The following PTPRN2 variants were observed in gnomAD, a reference collection of about 807,000 sequenced individuals.
PTPRN2 encodes the protein protein tyrosine phosphatase receptor type N2.
Under a neutral mutation model 118.8 loss-of-function variants are expected in PTPRN2, and 74 were observed. The observed-to-expected ratio is 0.62, with a 90% CI of 0.52 to 0.76. The LOEUF is 0.76. Ranked by LOEUF, PTPRN2 falls within the 30% of genes least tolerant of loss-of-function variation. PTPRN2 has a pLI of 0.00. For synonymous variants in PTPRN2, 641 were observed against 608.0 expected, an observed-to-expected ratio of 1.05 and a Z score of -0.80; for missense variants, 1,481 against 1,394.4, an observed-to-expected ratio of 1.06 and a Z score of -0.99.
intron 12 of PTPRN2, among the ~76,000 whole-genome samples, chr7:157,839,996 G>A (rs571029155): frequency 9.3e-5 from 14 of 150,170 alleles, no homozygotes; most frequent in African/African-American, 3.2e-4. Context: ...CTGTGTGGCC[G>A]TGTGTGACTG....
At chr7:158,407,980 A>G (rs1300835977) in intron 2 of PTPRN2, among the ~76,000 whole-genome samples, 1 of 152,190 alleles carries the variant, frequency 6.6e-6, no homozygotes, top group African/African-American at 2.4e-5. Context: ...GAAGATATCC[A>G]ATGACTCAAG....
chr7:157,713,507 T>C (rs1798754978), intron 12 of PTPRN2, among the ~76,000 whole-genome samples: 1 of 152,278 alleles, frequency 6.6e-6, no homozygotes, highest in African/African-American at 2.4e-5. Flanking sequence ...CATTAAAATC[T>C]ATACTTGTGA....
At chr7:158,012,086 G>C (rs942738864) in intron 11 of PTPRN2, among the ~76,000 whole-genome samples, 2 of 152,154 alleles carry the variant, frequency 1.3e-5, no homozygotes, top group African/African-American at 4.8e-5. Context: ...AGAGCCATTC[G>C]TCCTGAAATT....
At chr7:158,564,809 C>T (rs1275059644) in intron 1 of PTPRN2, among the ~76,000 whole-genome samples, 1 of 152,238 alleles carries the variant, frequency 6.6e-6, no homozygotes, top group Non-Finnish European at 1.5e-5. Context: ...CCTTCTCAGC[C>T]CAGGAAATGG....
intron 12 of PTPRN2, among the ~76,000 whole-genome samples, chr7:157,879,086 G>A (rs1795966013): frequency 7.0e-6 from 1 of 142,976 alleles, no homozygotes; most frequent in Admixed American, 7.0e-5. Context: ...GGGCTGGAAG[G>A]GTCAGTGTGA....
At chr7:158,164,203 G>A (rs573684133) in intron 6 of PTPRN2, among the ~76,000 whole-genome samples, 289 of 150,298 alleles carry the variant, frequency 1.9e-3, no homozygotes, top group African/African-American at 7.0e-3. Flanking sequence ...GCATAAGAAA[G>A]GCACACAGAA....
chr7:158,100,562 T>C (rs1815151633), intron 10 of PTPRN2, among the ~76,000 whole-genome samples: 1 of 152,208 alleles, frequency 6.6e-6, no homozygotes, highest in Non-Finnish European at 1.5e-5. Flanking sequence ...CACCAGCATC[T>C]ACTGTTTTTT....
rs111717537 is a variant in PTPRN2 at position 157,780,992 on chromosome 7, G to A, written c.1789-98055C>T. ...GCCAAACCTTCTCTGGCCTCCTGCC[G>A]CTCACGGCCACAATCACCCCACATC... On this transcript the variant is annotated intron_variant, in intron 12 of 22. Coordinates refer to ENST00000389418, the MANE Select transcript of PTPRN2 (RefSeq NM_002847.5). The surrounding 1 kb of genome is among the most constrained non-coding windows in gnomAD (Gnocchi z 4.5). Among the ~76,000 whole-genome samples the A allele has an allele frequency of 3.3e-5, 5 of 152,114 alleles. 1 individual carries two copies. The highest frequency in any genetic ancestry group is 1.2e-4 in the African/African-American group (5 of 41,526).
intron 11 of PTPRN2, among the ~76,000 whole-genome samples, chr7:157,992,370 T>C (rs1395996464): frequency 6.6e-6 from 1 of 152,190 alleles, no homozygotes; most frequent in Non-Finnish European, 1.5e-5. Flanking sequence ...GGAATCGCCA[T>C]GGCCACGGAG....
chr7:157,987,342 G>A lies in PTPRN2; in HGVS notation c.1724-88605C>T, dbSNP rs185720998. ...ACCAGTCACTAAAGGGAAAGGGGGC[G>A]TGATGACCAGTCACTAGTGGGGGTG... On this transcript the variant is annotated intron_variant, in intron 11 of 22. Transcript: ENST00000389418. The surrounding 1 kb of genome is among the most constrained non-coding windows in gnomAD (Gnocchi z 4.3). 1.5e-3 allele frequency among the ~76,000 whole-genome samples: 223 copies of A among 149,248 alleles called. 3 individuals carry two copies. The highest frequency in any genetic ancestry group is 3.9e-3 in the African/African-American group (158 of 40,470).
At chr7:158,424,477 G>T (rs1198249637) in intron 2 of PTPRN2, among the ~76,000 whole-genome samples, 1 of 152,118 alleles carries the variant, frequency 6.6e-6, no homozygotes, top group East Asian at 1.9e-4. Flanking sequence ...TGTGACCACC[G>T]GAGATGAATA....
At chr7:157,970,470 G>C (rs1802243113) in intron 11 of PTPRN2, among the ~76,000 whole-genome samples, 1 of 152,240 alleles carries the variant, frequency 6.6e-6, no homozygotes, top group African/African-American at 2.4e-5. Context: ...CTGAAGTCAT[G>C]AAAATAGAGC....
intron 12 of PTPRN2, among the ~76,000 whole-genome samples, chr7:157,886,878 C>T (rs1011535004): frequency 3.9e-5 from 1 of 25,812 alleles, no homozygotes; most frequent in Non-Finnish European, 8.4e-5. Flanking sequence ...CACGGTGGGG[C>T]TGTCTGGGCC....
At chr7:158,139,432 GAC>G (rs1315683398) in intron 6 of PTPRN2, among the ~76,000 whole-genome samples, 2 of 152,110 alleles carry the variant, frequency 1.3e-5, no homozygotes, top group African/African-American at 2.4e-5. Flanking sequence ...CAGAATGGGA[GAC>G]GTTCTGCAGA....
intron 21 of PTPRN2, among the ~76,000 whole-genome samples, chr7:157,564,494 A>T (rs1388304052): frequency 2.0e-5 from 3 of 152,224 alleles, no homozygotes; most frequent in Non-Finnish European, 4.4e-5. Flanking sequence ...AGAGTAAAAA[A>T]CCCCGATGTA....
Position 158,544,659 on chromosome 7 carries a change from G to C in PTPRN2, c.112+42899C>G, listed in dbSNP as rs982535399. Among the ~76,000 whole-genome samples the C allele has an allele frequency of 1.3e-5, 2 of 152,010 alleles. No individual in the cohort carries two copies. The highest frequency in any genetic ancestry group is 2.4e-5 in the African/African-American group (1 of 41,380). Reference sequence around the variant, plus strand: ...GTCTCAAAAAAAAAAAAAATTATGAGATTTTTTTGCAATTTTTTAAAGCTC... The same window carrying C: ...GTCTCAAAAAAAAAAAAAATTATGACATTTTTTTGCAATTTTTTAAAGCTC... On this transcript the variant is annotated intron_variant, in intron 1 of 22. Transcript: ENST00000389418. This position sits in a 1 kb window ranked among gnomAD's most constrained non-coding sequence, Gnocchi z 4.2.
At position 157,869,152 on chromosome 7, in the gene PTPRN2, C is replaced by T. The variant is rs952816111; in HGVS notation, c.1788+29521G>A. ...TCTTTATTAAAATATCAAGGTCTTTCTACAAATCTTTCCTGATACCTCAAC... is the reference window on the plus strand; with the variant it reads ...TCTTTATTAAAATATCAAGGTCTTTTTACAAATCTTTCCTGATACCTCAAC... On this transcript the variant is annotated intron_variant, in intron 12 of 22. Coordinates refer to ENST00000389418, the MANE Select transcript of PTPRN2 (RefSeq NM_002847.5). This position sits in a 1 kb window ranked among gnomAD's most constrained non-coding sequence, Gnocchi z 4.2. The T allele has an allele frequency of 6.6e-6, 1 of 152,190 alleles. No homozygotes were observed. Among genetic ancestry groups the T allele is most frequent in the Admixed American group, 6.5e-5 (1 of 15,282 alleles). 9.4% of individuals were successfully genotyped at this position (152,190 alleles called of 1,614,324 possible). A position where few individuals can be genotyped will look rare whatever the true frequency, so the allele number is the denominator to read the frequency against.
chr7:158,001,695 C>T (rs973084862), intron 11 of PTPRN2, among the ~76,000 whole-genome samples: 4 of 152,220 alleles, frequency 2.6e-5, no homozygotes, highest in African/African-American at 9.6e-5. Context: ...ACTCCCAATC[C>T]GTGCTGAGAG....
chr7:158,191,348 A>G (rs1825749172), intron 5 of PTPRN2, among the ~76,000 whole-genome samples: 1 of 152,164 alleles, frequency 6.6e-6, no homozygotes, highest in Admixed American at 6.5e-5. Context: ...CATCTTAGAA[A>G]GGAAAGTGTG....
Sources: allele counts gnomAD v4.1 joint callset (sites outside exome capture counted in the v4.1 genomes callset), GRCh38; gene constraint gnomAD v4.1.1; non-coding constraint Gnocchi (gnomAD v3.1); transcripts MANE v1.5; gene names NCBI Gene and HGNC (gene_info 2026-07-23, HGNC 2026-07-21).